The following RP1L1 variants were observed in gnomAD, a reference collection of about 807,000 sequenced individuals.
The protein encoded by RP1L1 is RP1 like 1, also known as retinitis pigmentosa 1-like 1 protein.
RP1L1 carries 27 observed loss-of-function variants against 15.7 expected under a neutral mutation model. That is an observed-to-expected ratio of 1.72 (90% CI 1.27 to 2.38). The LOEUF is 2.38. Among genes scored for constraint, RP1L1 ranks in the 30% most tolerant of loss-of-function variants. The pLI is 0.00. For missense variants in RP1L1, 4,798 were observed against 3,075.9 expected (o/e 1.56, Z -13.24); for synonymous variants, 1,813 against 1,276.7 (o/e 1.42, Z -8.96).
intron 3 of RP1L1, among the ~76,000 whole-genome samples, chr8:10,615,431 T>G (rs570733343): frequency 2.0e-4 from 31 of 152,312 alleles, no homozygotes; most frequent in African/African-American, 5.3e-4. Context: ...TTTAGTCCCT[T>G]TGACCCCCAT....
Position 10,611,727 on chromosome 8 carries a change from TG to T in RP1L1, c.2370del (p.Ser791AlafsTer138). 2 of 1,613,566 alleles carry T rather than the reference TG, an allele frequency of 1.2e-6. No individual in the cohort carries two copies. Among genetic ancestry groups the T allele is most frequent in the Non-Finnish European group, 1.7e-6 (2 of 1,179,948 alleles). ...TSDSCSKSGA[A>X]SLGEEARDTP... Reference sequence around the variant, plus strand: ...GTGTCCCTGGCCTCTTCCCCCAGGCTGGCAGCCCCAGATTTTGAGCAGGAGT... The same window carrying T: ...GTGTCCCTGGCCTCTTCCCCCAGGCTGCAGCCCCAGATTTTGAGCAGGAGT... On this transcript the variant is annotated frameshift_variant, in exon 4 of 4. Coordinates refer to ENST00000382483, the MANE Select transcript of RP1L1 (RefSeq NM_178857.6). LOFTEE classifies it low-confidence loss of function (END_TRUNC).
intron 1 of RP1L1, 60 bp from the exon 2 acceptor site, chr8:10,623,280 C>T: frequency 7.7e-7 from 1 of 1,304,858 alleles, no homozygotes; most frequent in Non-Finnish European, 1.0e-6. Context: ...CATTTCCTGT[C>T]TCTTCCCGTC....
chr8:10,646,719 T>C (rs1015632147), intron 1 of RP1L1, among the ~76,000 whole-genome samples: 1 of 152,176 alleles, frequency 6.6e-6, no homozygotes, highest in African/African-American at 2.4e-5. Context: ...CGAGGACAGC[T>C]GTAAACCAGC....
chr8:10,623,156 A>C lies in RP1L1; in HGVS notation c.46T>G (p.Cys16Gly), dbSNP rs773805349. ...RNAQAPSHRECFLPSVARTPS... is the reference protein window; with the variant it reads ...RNAQAPSHREGFLPSVARTPS... ...GTGCGAGCCACAGAGGGCAGGAAGC[A>C]CTCACGGTGGCTCGGGGCCTGGGCA... Residue 16 changes from cysteine (C) to glycine (G), a missense_variant, in exon 2 of 4, where the codon TGC (cysteine) becomes GGC (glycine). Coordinates refer to ENST00000382483, the MANE Select transcript of RP1L1 (RefSeq NM_178857.6). 6 of 1,593,698 alleles carry C rather than the reference A, an allele frequency of 3.8e-6. No individual in the cohort carries two copies. The highest frequency in any genetic ancestry group is 5.1e-6 in the Non-Finnish European group (6 of 1,168,776).
rs753809601 is a variant in RP1L1, at chr8:10,609,532, T to A, written c.4566A>T (p.Leu1522Phe). 1.2e-6 allele frequency: 2 copies of A among 1,607,452 alleles called. No individual in the cohort carries two copies. Among genetic ancestry groups the A allele is most frequent in the Non-Finnish European group, 1.7e-6 (2 of 1,177,936 alleles). ...LDCDPIWVSV[L>F]LKKTEKAFLA... ...GGAAGGCCTTCTCCGTCTTCTTCAG[T>A]AACACGGACACCCAGATGGGGTCGC... The change falls in exon 4 of 4, where the codon TTA becomes TTT. Residue 1522 changes from leucine (L) to phenylalanine (F), a missense_variant. Transcript: ENST00000382483.
At chr8:10,639,029 C>G (rs1161567299) in intron 1 of RP1L1, among the ~76,000 whole-genome samples, 1 of 151,868 alleles carries the variant, frequency 6.6e-6, no homozygotes, top group African/African-American at 2.4e-5. Flanking sequence ...CCTGTAATCT[C>G]AGCTACTTGG....
rs776678608 is a variant in RP1L1, at chr8:10,610,152, G to A, written c.3946C>T (p.Gln1316Ter). 1 of 1,612,158 alleles carries A rather than the reference G, an allele frequency of 6.2e-7. No homozygotes were observed. Among genetic ancestry groups the A allele is most frequent in the Admixed American group, 1.7e-5 (1 of 59,900 alleles). ...TCCTCTAACTGCACCGCCTCTTCTT[G>A]CAGCCCTTCTCCTTCTGTTCCTTCT... ...TKEGTEGEGL[Q>*]EEAVQLEETK... The change falls in exon 4 of 4, where the codon CAA (glutamine) becomes TAA (stop). Residue 1316 changes from glutamine (Q) to a stop codon, truncating the protein, a stop_gained. Transcript: ENST00000382483. LOFTEE classifies it low-confidence loss of function (END_TRUNC).
intron 1 of RP1L1, among the ~76,000 whole-genome samples, chr8:10,632,445 T>C (rs1438024613): frequency 3.3e-5 from 5 of 152,234 alleles, no homozygotes; most frequent in African/African-American, 4.8e-5. Flanking sequence ...ATCTGACTTA[T>C]TGATGTATAC....
chr8:10,616,572 C>A lies in RP1L1; in HGVS notation c.625G>T (p.Ala209Ser). The A allele has an allele frequency of 6.2e-7, 1 of 1,612,872 alleles. No individual in the cohort carries two copies. Among genetic ancestry groups the A allele is most frequent in the Non-Finnish European group, 8.5e-7 (1 of 1,179,862 alleles). The stretch of plus-strand genomic sequence containing the variant: ...AGCACAGAGGGGCTGTGCAGCAGGG[C>A]CTGCAGCGAGTCCACCTGAGGGAGG... ...TSGKKVDSLQALLHSPSVLVC... is the reference protein window; with the variant it reads ...TSGKKVDSLQSLLHSPSVLVC... Residue 209 changes from alanine to serine, a missense_variant, in exon 3 of 4, where the codon GCC (alanine) becomes TCC (serine). Coordinates refer to ENST00000382483, the MANE Select transcript of RP1L1 (RefSeq NM_178857.6).
Position 10,616,674 on chromosome 8 carries a change from C to G in RP1L1, c.610-87G>C, listed in dbSNP as rs535967762. 2.7e-5 allele frequency: 39 copies of G among 1,425,540 alleles called. No homozygotes were observed. The African/African-American group carries it at 4.7e-4, about 17-fold the overall frequency. The allele number at this position is 1,425,540 out of a possible 1,614,324, so 88.3% of individuals were successfully genotyped here. On this transcript the variant is annotated intron_variant, in intron 2 of 3. Coordinates refer to ENST00000382483, the MANE Select transcript of RP1L1 (RefSeq NM_178857.6). Reference sequence around the variant, plus strand: ...CTGGGGGAGGAAGGATCCAGTCTCACCAGCCCTGTCCTGATTTCTGCACAT... The same window carrying G: ...CTGGGGGAGGAAGGATCCAGTCTCAGCAGCCCTGTCCTGATTTCTGCACAT...
chr8:10,636,756 G>A (rs1360288922), intron 1 of RP1L1, among the ~76,000 whole-genome samples: 1 of 152,222 alleles, frequency 6.6e-6, no homozygotes, highest in Non-Finnish European at 1.5e-5. Context: ...GCTGGGATTA[G>A]GTTACTCCCA....
intron 1 of RP1L1, among the ~76,000 whole-genome samples, chr8:10,631,031 C>A (rs939600236): frequency 9.9e-5 from 15 of 152,144 alleles, no homozygotes; most frequent in Admixed American, 2.0e-4. Flanking sequence ...GGGGGAATGG[C>A]TTTGCCGGGT....
chr8:10,639,255 T>C (rs536232174), intron 1 of RP1L1, among the ~76,000 whole-genome samples: 1 of 152,240 alleles, frequency 6.6e-6, no homozygotes, highest in South Asian at 2.1e-4. Flanking sequence ...GAAAGGCTCA[T>C]GCATCAGAGA....
At chr8:10,628,793 G>A (rs898125520) in intron 1 of RP1L1, among the ~76,000 whole-genome samples, 1 of 152,218 alleles carries the variant, frequency 6.6e-6, no homozygotes, top group African/African-American at 2.4e-5. Flanking sequence ...ACTGGAAGTA[G>A]AATCCTTGGA....
chr8:10,636,235 G>A (rs1585994010), intron 1 of RP1L1, among the ~76,000 whole-genome samples: 1 of 152,164 alleles, frequency 6.6e-6, no homozygotes, highest in Admixed American at 6.5e-5. Flanking sequence ...CAATATCTTG[G>A]CTTTAAAGAA....
intron 1 of RP1L1, among the ~76,000 whole-genome samples, chr8:10,627,094 G>T (rs10102098): frequency 2.0e-5 from 3 of 152,036 alleles, no homozygotes; most frequent in Non-Finnish European, 4.4e-5. Flanking sequence ...AAAAATGGAA[G>T]CATAGAATTG....
chr8:10,610,312 C>T lies in RP1L1; in HGVS notation c.3786G>A (p.Leu1262=). 6.2e-7 allele frequency: 1 copy of T among 1,614,218 alleles called. No homozygotes were observed. The highest frequency in any genetic ancestry group is 1.7e-5 in the Admixed American group (1 of 60,028). ...TGGCACAAGCGCAGGCTCGGGCGTT[C>T]AAGAAGGTTGGGAAACAACACTGCT... ...NQQQCCFPTF[L]NARACACATN... The change falls in exon 4 of 4, where the codon TTG becomes TTA. Residue 1262 remains leucine, a synonymous_variant. Coordinates refer to ENST00000382483, the MANE Select transcript of RP1L1 (RefSeq NM_178857.6).
chr8:10,630,211 C>T (rs1325677795), intron 1 of RP1L1, among the ~76,000 whole-genome samples: 1 of 152,246 alleles, frequency 6.6e-6, no homozygotes, highest in African/African-American at 2.4e-5. Context: ...CAGACCCCAT[C>T]TTGCCATCTT....
chr8:10,634,159 ACACAGCACCTGC>A (rs1289721204), intron 1 of RP1L1, among the ~76,000 whole-genome samples: 1 of 152,174 alleles, frequency 6.6e-6, no homozygotes, highest in Non-Finnish European at 1.5e-5. Context: ...TTATCAGGCC[ACACAGCACCTGC>A]CACAGGAAAA....
Sources: allele counts gnomAD v4.1 joint callset (sites outside exome capture counted in the v4.1 genomes callset), GRCh38; gene constraint gnomAD v4.1.1; transcripts MANE v1.5; gene names NCBI Gene and HGNC (gene_info 2026-07-23, HGNC 2026-07-21).